The following STXBP5L variants were observed in gnomAD, a reference collection of about 807,000 sequenced individuals.
STXBP5L encodes the protein syntaxin-binding protein 5-like.
Under a neutral mutation model 144.5 loss-of-function variants are expected in STXBP5L, and 65 were observed. The ratio of observed to expected loss-of-function variants is 0.45; its 90% CI spans 0.37 to 0.55. The LOEUF (loss-of-function observed/expected upper bound fraction) is 0.55. STXBP5L is among the 20% of genes least tolerant of loss of function. STXBP5L has a pLI of 0.00. For missense variants in STXBP5L, 1,298 were observed against 1,405.5 expected (o/e 0.92, Z 1.22); for synonymous variants, 505 against 469.6 (o/e 1.08, Z -0.97).
chr3:121,308,869 G>C (rs2043428206), intron 19 of STXBP5L, among the ~76,000 whole-genome samples: 1 of 152,166 alleles, frequency 6.6e-6, no homozygotes, highest in East Asian at 1.9e-4. Flanking sequence ...ACATAAGAGA[G>C]AATACAGCTA....
rs940366167 is a variant in STXBP5L at position 121,375,301 on chromosome 3, G to A, written c.2177-3415G>A. On this transcript the variant is annotated intron_variant, in intron 20 of 26. Transcript: ENST00000471454. Reference sequence around the variant, plus strand: ...TTAATTTTAAAATGTCCTCTCCAAGGCACATTATAGTCAGAATCCAAAAAG... The same window carrying A: ...TTAATTTTAAAATGTCCTCTCCAAGACACATTATAGTCAGAATCCAAAAAG... Among the ~76,000 whole-genome samples the A allele has an allele frequency of 2.6e-5, 4 of 152,146 alleles. No homozygotes were observed. In the South Asian group the frequency reaches 8.3e-4, roughly 32 times the overall value.
intron 5 of STXBP5L, among the ~76,000 whole-genome samples, chr3:121,054,505 C>G (rs1042047942): frequency 6.8e-6 from 1 of 147,668 alleles, no homozygotes; most frequent in Non-Finnish European, 1.5e-5. Flanking sequence ...AAGCAAACAC[C>G]GCATGTTCTC....
In STXBP5L at chr3:120,931,501, C is replaced by T. The variant is rs148886750; in HGVS notation, c.189+21734C>T. Among the ~76,000 whole-genome samples, 645 of 151,352 alleles carry T rather than the reference C, an allele frequency of 4.3e-3. 5 individuals are homozygous for T. The highest frequency in any genetic ancestry group is 0.015 in the African/African-American group (615 of 41,330). On this transcript the variant is annotated intron_variant, in intron 2 of 26. Transcript: ENST00000471454. ...ATTATTCATGTTCCAAAAGAGAAAA[C>T]CATGACCCAGCCCTTAGTGCCAGGT... is the stretch of plus-strand genomic sequence containing the variant.
chr3:121,364,253 A>G (rs1344340156), intron 20 of STXBP5L, among the ~76,000 whole-genome samples: 2 of 152,248 alleles, frequency 1.3e-5, no homozygotes, highest in African/African-American at 2.4e-5. Flanking sequence ...GTCAAAATTG[A>G]TTTGACCATA....
chr3:120,983,919 A>C (rs1485471968), intron 3 of STXBP5L, among the ~76,000 whole-genome samples: 2 of 152,214 alleles, frequency 1.3e-5, no homozygotes. Context: ...TACTAGCTGC[A>C]TCTGGCCAGC....
At chr3:120,918,372 C>A (rs1024376604) in intron 2 of STXBP5L, among the ~76,000 whole-genome samples, 1 of 152,150 alleles carries the variant, frequency 6.6e-6, no homozygotes. Context: ...CATCACCTCA[C>A]CTGTTTTTGT....
At chr3:121,292,548 C>T (rs1048403904) in intron 19 of STXBP5L, among the ~76,000 whole-genome samples, 1 of 152,078 alleles carries the variant, frequency 6.6e-6, no homozygotes, top group African/African-American at 2.4e-5. Context: ...GGTATCTACC[C>T]AGAGGAAAAG....
Position 120,986,936 on chromosome 3 carries a change from G to A in STXBP5L, c.287+31899G>A, listed in dbSNP as rs1942343598. Among the ~76,000 whole-genome samples, 3 of 152,070 alleles carry A rather than the reference G, an allele frequency of 2.0e-5. No homozygotes were observed. The South Asian group carries it at 6.2e-4, about 31-fold the overall frequency. On this transcript the variant is annotated intron_variant, in intron 3 of 26. Transcript: ENST00000471454. ...TGGAACATAAGTGAATGGAACAGAA[G>A]GGACCTGTGGGACACCATCAAGTGG...
intron 5 of STXBP5L, among the ~76,000 whole-genome samples, chr3:121,079,484 A>G (rs950614390): frequency 2.0e-5 from 3 of 152,230 alleles, no homozygotes; most frequent in Non-Finnish European, 4.4e-5. Context: ...ACTTGAGTTT[A>G]AGGGAGGGTC....
chr3:121,332,674 C>G (rs925078359), intron 20 of STXBP5L, among the ~76,000 whole-genome samples: 1 of 151,882 alleles, frequency 6.6e-6, no homozygotes, highest in African/African-American at 2.4e-5. Flanking sequence ...AGAAGAAAAA[C>G]CAAAAAGTCT....
At chr3:121,008,829 C>G (rs781166230) in intron 3 of STXBP5L, among the ~76,000 whole-genome samples, 35 of 151,830 alleles carry the variant, frequency 2.3e-4, no homozygotes, top group Non-Finnish European at 5.0e-4. Flanking sequence ...AGATAGTGGT[C>G]CAGCACAAGG....
At chr3:120,981,766 T>G (rs757713711) in intron 3 of STXBP5L, among the ~76,000 whole-genome samples, 2 of 152,224 alleles carry the variant, frequency 1.3e-5, no homozygotes, top group South Asian at 2.1e-4. Flanking sequence ...ATTGCCAGTG[T>G]TCTTATGCTG....
chr3:121,131,064 T>A (rs532347879), intron 7 of STXBP5L, among the ~76,000 whole-genome samples: 1 of 152,196 alleles, frequency 6.6e-6, no homozygotes, highest in Non-Finnish European at 1.5e-5. Flanking sequence ...TAGTTCTGAT[T>A]GTAAGCTATG....
At chr3:121,357,904 C>T (rs569882242) in intron 20 of STXBP5L, 2 of 152,152 alleles carry the variant, frequency 1.3e-5, no homozygotes, top group Non-Finnish European at 2.9e-5. Context: ...AACATCATCA[C>T]TCAAATACCT....
chr3:121,299,634 A>T (rs568958595), intron 19 of STXBP5L, among the ~76,000 whole-genome samples: 1 of 152,214 alleles, frequency 6.6e-6, no homozygotes, highest in African/African-American at 2.4e-5. Context: ...AATTTTTTCC[A>T]AATTTGATGA....
chr3:121,415,488 C>A (rs1404338142), intron 24 of STXBP5L, among the ~76,000 whole-genome samples: 1 of 152,116 alleles, frequency 6.6e-6, no homozygotes, highest in Non-Finnish European at 1.5e-5. Context: ...GCAGTCTATG[C>A]TTGGTTCAGG....
chr3:120,993,457 T>C (rs1943086740), intron 3 of STXBP5L, among the ~76,000 whole-genome samples: 1 of 152,142 alleles, frequency 6.6e-6, no homozygotes, highest in Non-Finnish European at 1.5e-5. Context: ...TGTTTAAGGC[T>C]TTAAGCATTT....
At chr3:120,984,836 C>A (rs1284870936) in intron 3 of STXBP5L, among the ~76,000 whole-genome samples, 1 of 151,490 alleles carries the variant, frequency 6.6e-6, no homozygotes, top group African/African-American at 2.4e-5. Context: ...GAGTTAGTTT[C>A]CTTTTCTTCC....
intron 5 of STXBP5L, among the ~76,000 whole-genome samples, chr3:121,060,322 T>G (rs1424323442): frequency 1.3e-5 from 2 of 152,132 alleles, no homozygotes; most frequent in African/African-American, 2.4e-5. Flanking sequence ...GGGATGAAGC[T>G]GACTTGATTG....
Sources: gnomAD v4.1 joint callset for allele counts (sites outside exome capture counted in the v4.1 genomes callset) on GRCh38, gnomAD v4.1.1 for gene constraint, MANE v1.5 for transcripts, NCBI Gene and HGNC (gene_info 2026-07-23, HGNC 2026-07-21) for gene names.